Variants in SPATA6 observed in about 807,000 individuals in gnomAD.
SPATA6 encodes the protein spermatogenesis associated 6.
In SPATA6, 56 loss-of-function variants were observed where a neutral mutation model predicts 65.3. The observed-to-expected ratio is 0.86, with a 90% CI of 0.69 to 1.07. SPATA6 has a LOEUF of 1.07. Ranked by LOEUF, SPATA6 falls within the 50% of genes least tolerant of loss-of-function variation. The pLI, the probability that SPATA6 is intolerant of heterozygous loss-of-function variation, is 0.00. For missense variants in SPATA6, 590 were observed against 594.8 expected (o/e 0.99, Z 0.08); for synonymous variants, 199 against 213.2 (o/e 0.93, Z 0.58).
At chr1:48,453,250 T>C in intron 1 of SPATA6, 119 bp from the exon 2 acceptor site, 2 of 1,127,388 alleles carry the variant, frequency 1.8e-6, no homozygotes, top group African/African-American at 1.6e-5. Flanking sequence ...TAAAAAATAC[T>C]CACAAATAAA....
chr1:48,440,748 C>T (rs1655381780), intron 3 of SPATA6, among the ~76,000 whole-genome samples: 1 of 152,180 alleles, frequency 6.6e-6, no homozygotes, highest in Non-Finnish European at 1.5e-5. Context: ...TGAGGATCAA[C>T]TGATCCTAAA....
At chr1:48,372,274 TA>T (rs1647364610) in intron 9 of SPATA6, among the ~76,000 whole-genome samples, 1 of 152,066 alleles carries the variant, frequency 6.6e-6, no homozygotes, top group African/African-American at 2.4e-5. Flanking sequence ...AGGTATTGGG[TA>T]AATACAGCTG....
chr1:48,423,961 G>C (rs1389735405), intron 3 of SPATA6, among the ~76,000 whole-genome samples: 1 of 152,094 alleles, frequency 6.6e-6, no homozygotes, highest in Non-Finnish European at 1.5e-5. Context: ...ATGAAGAATG[G>C]GGTATCCATC....
At chr1:48,405,897 C>CA (rs959353802) in intron 5 of SPATA6, among the ~76,000 whole-genome samples, 23 of 151,604 alleles carry the variant, frequency 1.5e-4, no homozygotes, top group African/African-American at 5.6e-4. Flanking sequence ...CATGCTCTAC[C>CA]AAAAAAAAGA....
Position 48,471,974 on chromosome 1 carries a change from G to T in SPATA6, c.35C>A (p.Ala12Glu). 6.2e-7 allele frequency: 1 copy of T among 1,602,198 alleles called. No homozygotes were observed. ...GGTACTCACTGAGCTGATCTCCAGC[G>T]CCAGGGCGCACTGCAGCGCCTTCAC... is the stretch of plus-strand genomic sequence containing the variant. ...PKVKALQCAL[A>E]LEISSVTCPG... Residue 12 changes from alanine (A) to glutamate (E), a missense_variant, in exon 1 of 13, where the codon GCG becomes GAG. By Grantham distance (107) the Ala-to-Glu change is moderately radical. Transcript: ENST00000371847.
chr1:48,446,682 A>G (rs1326500007), intron 3 of SPATA6, among the ~76,000 whole-genome samples: 2 of 152,226 alleles, frequency 1.3e-5, no homozygotes, highest in South Asian at 2.1e-4. Context: ...ATGAAGCAAA[A>G]CCTGATATTA....
intron 9 of SPATA6, among the ~76,000 whole-genome samples, chr1:48,370,997 C>T (rs1480119184): frequency 6.6e-6 from 1 of 152,102 alleles, no homozygotes; most frequent in African/African-American, 2.4e-5. Flanking sequence ...ACAATGCTAC[C>T]AAATCATTCA....
At chr1:48,350,225 C>G (rs931908668) in intron 11 of SPATA6, among the ~76,000 whole-genome samples, 6 of 150,646 alleles carry the variant, frequency 4.0e-5, no homozygotes, top group Non-Finnish European at 8.9e-5. Context: ...AGTGCCTGTT[C>G]AGATCTTTTG....
In SPATA6 at chr1:48,319,878, C is replaced by A. The variant is rs373099747; in HGVS notation, c.1195-14000G>T. ...GAGGAAGGCCGAGCACTTTCACATG[C>A]CCCAAAGACAGATACCACATCCACA... On this transcript the variant is annotated intron_variant, in intron 11 of 12. Transcript: ENST00000371847. 1.0e-3 allele frequency among the ~76,000 whole-genome samples: 152 copies of A among 152,252 alleles called. 1 individual carries two copies. The highest frequency in any genetic ancestry group is 3.6e-3 in the African/African-American group (148 of 41,552).
intron 3 of SPATA6, among the ~76,000 whole-genome samples, chr1:48,435,795 G>A (rs143833556): frequency 0.058 from 8,891 of 152,218 alleles, 375 homozygotes; most frequent in Middle Eastern, 0.22. Flanking sequence ...GCCCCTCCGC[G>A]AGCAGGGCTC....
intron 11 of SPATA6, among the ~76,000 whole-genome samples, chr1:48,347,164 C>T (rs1413966893): frequency 1.3e-5 from 2 of 151,794 alleles, no homozygotes; most frequent in African/African-American, 2.4e-5. Context: ...TAAGGCCACA[C>T]ACCTACAACT....
intron 3 of SPATA6, among the ~76,000 whole-genome samples, chr1:48,420,627 G>A (rs1208512232): frequency 6.6e-6 from 1 of 152,162 alleles, no homozygotes; most frequent in Non-Finnish European, 1.5e-5. Flanking sequence ...GTCTTCTTCT[G>A]TGTTGATGAT....
At chr1:48,436,399 A>C in intron 3 of SPATA6, 1 of 1,611,502 alleles carries the variant, frequency 6.2e-7, no homozygotes, top group Non-Finnish European at 8.5e-7. Context: ...TGGTTCAGCA[A>C]GTCAACTCTT....
intron 11 of SPATA6, chr1:48,325,064 C>T (rs982081450): frequency 5.6e-6 from 2 of 355,432 alleles, no homozygotes; most frequent in Admixed American, 6.8e-5. Flanking sequence ...CACATTTCTC[C>T]ATGACCAAAA....
chr1:48,279,256 G>A, the SPATA6 span, among the ~76,000 whole-genome samples: 5 of 152,176 alleles, frequency 3.3e-5, no homozygotes, highest in Non-Finnish European at 7.3e-5. Context: ...ATCGAGGCTA[G>A]GAAGAAACTG....
intron 9 of SPATA6, among the ~76,000 whole-genome samples, chr1:48,364,506 A>C (rs1245797916): frequency 6.6e-6 from 1 of 152,218 alleles, no homozygotes; most frequent in African/African-American, 2.4e-5. Context: ...AACTGGTGTG[A>C]GATGGTATCT....
chr1:48,428,357 G>A (rs892246402), intron 3 of SPATA6, among the ~76,000 whole-genome samples: 29 of 152,172 alleles, frequency 1.9e-4, no homozygotes, highest in African/African-American at 6.5e-4. Context: ...TGAAGCCTGA[G>A]GCAGGAGAAT....
intron 11 of SPATA6, among the ~76,000 whole-genome samples, chr1:48,322,118 C>G (rs929498166): frequency 1.3e-5 from 2 of 151,824 alleles, no homozygotes; most frequent in African/African-American, 4.8e-5. Flanking sequence ...AATGATGCAT[C>G]TTAAAGAACT....
intron 10 of SPATA6, among the ~76,000 whole-genome samples, chr1:48,358,768 A>C (rs1646727451): frequency 6.6e-6 from 1 of 152,176 alleles, no homozygotes; most frequent in Non-Finnish European, 1.5e-5. Flanking sequence ...ACTAGAAGCA[A>C]CCTTAATCAA....
Sources: allele counts gnomAD v4.1 joint callset (sites outside exome capture counted in the v4.1 genomes callset), GRCh38; gene constraint gnomAD v4.1.1; transcripts MANE v1.5; gene names NCBI Gene and HGNC (gene_info 2026-07-23, HGNC 2026-07-21).